CHCHD7: variants seen among roughly 807,000 people sequenced by gnomAD.
CHCHD7 encodes the protein coiled-coil-helix-coiled-coil-helix domain-containing protein 7.
A neutral mutation model predicts 10.5 loss-of-function variants in CHCHD7; 7 were observed. The ratio of observed to expected loss-of-function variants is 0.67; its 90% CI spans 0.38 to 1.25. The LOEUF (loss-of-function observed/expected upper bound fraction) is 1.25, where lower values mean the gene tolerates loss of function less well. Ranked by LOEUF, CHCHD7 falls within the 50% of genes most tolerant of loss-of-function variation. CHCHD7 has a pLI of 0.02. For missense variants in CHCHD7, 100 were observed against 104.5 expected (o/e 0.96, Z 0.19); for synonymous variants, 40 against 36.0 (o/e 1.11, Z -0.40).
chr8:56,212,750 C>T (rs1179491160), intron 1 of CHCHD7: 7 of 759,890 alleles, frequency 9.2e-6, no homozygotes, highest in African/African-American at 3.5e-5. Context: ...GACATTTCCT[C>T]TTCAATTCCA....
chr8:56,214,763 G>C, intron 2 of CHCHD7, 96 bp downstream of exon 2: 1 of 850,184 alleles, frequency 1.2e-6, no homozygotes, highest in Non-Finnish European at 1.9e-6. Flanking sequence ...GTTGAATAAA[G>C]TTATTTCTCT....
intron 1 of CHCHD7, chr8:56,213,396 T>G (rs1449132147): frequency 1.3e-5 from 2 of 152,052 alleles, no homozygotes; most frequent in Non-Finnish European, 2.9e-5. Context: ...GTGTCTCTTT[T>G]TTTTTTTTTT....
chr8:56,218,735 G>T lies in CHCHD7; in HGVS notation c.*1300G>T, dbSNP rs916678301. ...GTATTTTTAAGCACACTTGTTAAAG[G>T]GCTTGGAATTTTAATGTCACTCCTT... On this transcript the variant is annotated 3_prime_UTR_variant, in exon 4 of 4. Transcript: ENST00000355315. 1.0e-5 allele frequency: 2 copies of T among 196,878 alleles called. No homozygotes were observed. The highest frequency in any genetic ancestry group is 2.1e-5 in the Non-Finnish European group (2 of 95,074). 12.2% of individuals were successfully genotyped at this position (196,878 alleles called of 1,614,324 possible).
chr8:56,217,306 T>A (rs376549131), intron 3 of CHCHD7, 25 bp from the exon 4 acceptor site: 2 of 1,459,632 alleles, frequency 1.4e-6, no homozygotes, highest in Non-Finnish European at 1.9e-6. Flanking sequence ...GGTTTCTTCT[T>A]TTTTATTTTA....
intron 1 of CHCHD7, 191 bp from the exon 2 acceptor site, chr8:56,214,407 T>C (rs898558644): frequency 2.1e-6 from 1 of 481,010 alleles, no homozygotes; most frequent in Non-Finnish European, 3.8e-6. Flanking sequence ...GGCCTTTGTG[T>C]TGAGGCATGG....
chr8:56,216,361 TTTTG>T (rs751128128), intron 2 of CHCHD7, 68 bp from the exon 3 acceptor site: 60 of 1,592,154 alleles, frequency 3.8e-5, no homozygotes, highest in South Asian at 2.2e-4. Context: ...GGGAAGCAGC[TTTTG>T]TTTGTTTGTT....
chr8:56,214,607 T>A lies in CHCHD7; in HGVS notation c.-7T>A. ...TTCTGTCTACCCTCAGTAAGAAGAC[T>A]GTTAGAATGCCCTCGGTAACACAGA... On this transcript the variant is annotated 5_prime_UTR_variant, in exon 2 of 4. Transcript: ENST00000355315. The A allele has an allele frequency of 6.2e-7, 1 of 1,612,698 alleles. No homozygotes were observed. The highest frequency in any genetic ancestry group is 8.5e-7 in the Non-Finnish European group (1 of 1,178,810).
chr8:56,216,658 T>C (rs1215685432), intron 3 of CHCHD7, 127 bp downstream of exon 3: 2 of 973,950 alleles, frequency 2.1e-6, no homozygotes, highest in Non-Finnish European at 3.2e-6. Flanking sequence ...TTTTCAACTT[T>C]ATCCTCTGTG....
chr8:56,217,279 A>C (rs373164026), intron 3 of CHCHD7, 52 bp from the exon 4 acceptor site: 3 of 1,062,658 alleles, frequency 2.8e-6, no homozygotes, highest in Non-Finnish European at 4.3e-6. Flanking sequence ...ATTAGCATTT[A>C]ATACATGACT....
intron 1 of CHCHD7, chr8:56,212,388 C>T (rs1813050527): frequency 6.5e-6 from 1 of 154,158 alleles, no homozygotes; most frequent in Admixed American, 6.5e-5. Context: ...GCCGCGGACC[C>T]TGCCTGGGCT....
chr8:56,217,372 A>G lies in CHCHD7; in HGVS notation c.195A>G (p.Pro65=), dbSNP rs150995530. 1 of 1,613,044 alleles carries G rather than the reference A, an allele frequency of 6.2e-7. No individual in the cohort carries two copies. Among genetic ancestry groups the G allele is most frequent in the Non-Finnish European group, 8.5e-7 (1 of 1,178,982 alleles). The stretch of plus-strand genomic sequence containing the variant: ...AGAGAAGAAAGAACGGAGTGAAGCC[A>G]TTTATGCCTACGGCAGCAGAAAGAG... ...VMQRRKNGVK[P]FMPTAAERDE... is the part of the protein sequence containing the mutation. Residue 65 remains proline, a synonymous_variant, in exon 4 of 4, where the codon CCA becomes CCG. Transcript: ENST00000355315.
At chr8:56,216,984 G>C (rs1297842767) in intron 3 of CHCHD7, 1 of 427,768 alleles carries the variant, frequency 2.3e-6, no homozygotes, top group African/African-American at 2.0e-5. Context: ...ACGGGATCCA[G>C]CTATTTCCTT....
chr8:56,214,410 A>C (rs995607034), intron 1 of CHCHD7, 188 bp from the exon 2 acceptor site: 3 of 486,472 alleles, frequency 6.2e-6, no homozygotes, highest in African/African-American at 3.9e-5. Context: ...CTTTGTGTTG[A>C]GGCATGGCAA....
At position 56,211,826 on chromosome 8, in the gene CHCHD7, C is replaced by G. The variant is rs553917015; in HGVS notation, c.-28C>G. On this transcript the variant is annotated 5_prime_UTR_variant, in exon 1 of 4. Coordinates refer to ENST00000355315, the MANE Select transcript of CHCHD7 (RefSeq NM_001011671.3). ...GGAGACGGCCTGGGTGCTGGCGAAG[C>G]GGAGGCCGGAGGTGAGTGGTTCCCC... 6.5e-6 allele frequency: 1 copy of G among 152,898 alleles called. No homozygotes were observed. The allele number at this position is 152,898 out of a possible 1,614,324, so 9.5% of individuals were successfully genotyped here.
Position 56,217,417 on chromosome 8 carries a change from G to C in CHCHD7, c.240G>C (p.Val80=). 1.9e-6 allele frequency: 3 copies of C among 1,593,644 alleles called. No individual in the cohort carries two copies. The highest frequency in any genetic ancestry group is 8.6e-7 in the Non-Finnish European group (1 of 1,161,404). The change falls in exon 4 of 4, where the codon GTG becomes GTC. Residue 80 remains valine (V), a synonymous_variant. Coordinates refer to ENST00000355315, the MANE Select transcript of CHCHD7 (RefSeq NM_001011671.3). ...AAERDEILRA[V]GNMPY is the part of the protein sequence containing the mutation. The stretch of plus-strand genomic sequence containing the variant: ...AAAGAGATGAAATCTTGAGAGCAGT[G>C]GGAAATATGCCCTATTGAATGTTTG...
intron 2 of CHCHD7, 30 bp downstream of exon 2, chr8:56,214,697 T>C (rs771438056): frequency 1.3e-6 from 2 of 1,581,172 alleles, no homozygotes; most frequent in Non-Finnish European, 1.7e-6. Flanking sequence ...TTTTCATGAG[T>C]GTTAAGTTGG....
intron 2 of CHCHD7, 37 bp downstream of exon 2, chr8:56,214,704 T>C (rs1813240649): frequency 6.5e-7 from 1 of 1,541,672 alleles, no homozygotes; most frequent in Non-Finnish European, 9.0e-7. Flanking sequence ...GAGTGTTAAG[T>C]TGGAAAAACA....
Position 56,218,021 on chromosome 8 carries a change from C to A in CHCHD7, c.*586C>A, listed in dbSNP as rs1241824293. On this transcript the variant is annotated 3_prime_UTR_variant, in exon 4 of 4. Coordinates refer to ENST00000355315, the MANE Select transcript of CHCHD7 (RefSeq NM_001011671.3). ...ATAAGGTTAGTACATTCACTAGGGG[C>A]AAATGGGTTTTTCTAAATAAATGAC... 1 of 229,128 alleles carries A rather than the reference C, an allele frequency of 4.4e-6. No homozygotes were observed. Among genetic ancestry groups the A allele is most frequent in the African/African-American group, 2.2e-5 (1 of 45,082 alleles). 14.2% of individuals were successfully genotyped at this position (229,128 alleles called of 1,614,324 possible).
In CHCHD7 at chr8:56,216,523, A is replaced by G; in HGVS notation, c.145A>G (p.Arg49Gly). The G allele has an allele frequency of 9.9e-6, 16 of 1,614,216 alleles. No individual in the cohort carries two copies. Among genetic ancestry groups the G allele is most frequent in the Non-Finnish European group, 1.4e-5 (16 of 1,180,030 alleles). Residue 49 changes from arginine to glycine, a missense_variant, in exon 3 of 4, where the codon AGA (arginine) becomes GGA (glycine). By Grantham distance (125) the Arg-to-Gly change is moderately radical. Transcript: ENST00000355315. ...TYFLRYKNCRRFWNSIVMQRR... is the reference protein window; with the variant it reads ...TYFLRYKNCRGFWNSIVMQRR... ...CTTCTTGAGGTACAAAAACTGCCGG[A>G]GATTCTGGGTAAGCCTAGATTGGTT...
Sources: gnomAD v4.1 joint callset for allele counts on GRCh38, gnomAD v4.1.1 for gene constraint, MANE v1.5 for transcripts, NCBI Gene and HGNC (gene_info 2026-07-23, HGNC 2026-07-21) for gene names.